The following ADGRB3 variants were observed in gnomAD, a reference collection of about 807,000 sequenced individuals.
The protein encoded by ADGRB3 is adhesion G protein-coupled receptor B3.
A neutral mutation model predicts 193.4 loss-of-function variants in ADGRB3; 37 were observed. The observed-to-expected ratio is 0.19, with a 90% CI of 0.15 to 0.25. The LOEUF is 0.25. Among genes scored for constraint, ADGRB3 ranks in the 10% least tolerant of loss-of-function variants. ADGRB3 has a pLI of 1.00. For synonymous variants in ADGRB3, 690 were observed against 644.2 expected (o/e 1.07, Z -1.08); for missense variants, 1,637 against 1,852.9 (o/e 0.88, Z 2.14).
At chr6:69,156,116 TA>T (rs1215700339) in intron 17 of ADGRB3, among the ~76,000 whole-genome samples, 17 of 152,350 alleles carry the variant, frequency 1.1e-4, no homozygotes, top group African/African-American at 4.1e-4. Flanking sequence ...AATTGTCTTT[TA>T]CATAAATGAG....
chr6:69,232,488 G>A, intron 17 of ADGRB3: 3 of 1,534,482 alleles, frequency 2.0e-6, no homozygotes, highest in South Asian at 1.2e-5. Context: ...ACTTTGGGGT[G>A]GGGTTATTCC....
At chr6:68,651,370 T>C (rs1690515122) in intron 3 of ADGRB3, among the ~76,000 whole-genome samples, 1 of 152,222 alleles carries the variant, frequency 6.6e-6, no homozygotes, top group South Asian at 2.1e-4. Flanking sequence ...TAGCTTGTAG[T>C]ATATTAAAAA....
chr6:69,161,342 A>C (rs1390490320), intron 17 of ADGRB3, among the ~76,000 whole-genome samples: 1 of 152,114 alleles, frequency 6.6e-6, no homozygotes, highest in Non-Finnish European at 1.5e-5. Context: ...GATGAATAAC[A>C]CTAGATGAGA....
At chr6:68,942,582 T>C (rs1265585558) in intron 5 of ADGRB3, among the ~76,000 whole-genome samples, 1 of 152,136 alleles carries the variant, frequency 6.6e-6, no homozygotes, top group African/African-American at 2.4e-5. Flanking sequence ...GAGTGGTGAT[T>C]TGACCATGCA....
At chr6:68,677,908 A>G (rs1257591555) in intron 3 of ADGRB3, among the ~76,000 whole-genome samples, 1 of 152,196 alleles carries the variant, frequency 6.6e-6, no homozygotes, top group Non-Finnish European at 1.5e-5. Context: ...TGGGTGCTAC[A>G]TGAAAAAGAC....
chr6:69,317,650 C>T (rs1768347054), intron 20 of ADGRB3, among the ~76,000 whole-genome samples: 2 of 151,404 alleles, frequency 1.3e-5, no homozygotes, highest in African/African-American at 4.8e-5. Flanking sequence ...CCCTGCCCTG[C>T]CACCCTATAA....
intron 17 of ADGRB3, among the ~76,000 whole-genome samples, chr6:69,191,468 CAAG>C (rs1016182840): frequency 6.6e-6 from 1 of 151,934 alleles, no homozygotes; most frequent in African/African-American, 2.4e-5. Context: ...ATAGTGAAGT[CAAG>C]AAGTGATTCA....
At chr6:68,752,584 G>A (rs1036805578) in intron 3 of ADGRB3, among the ~76,000 whole-genome samples, 1 of 152,074 alleles carries the variant, frequency 6.6e-6, no homozygotes, top group Admixed American at 6.5e-5. Context: ...GTTGTGGTAG[G>A]ATATTCTTGA....
rs918134599 is a variant in ADGRB3, at chr6:69,388,094, C to T, written c.4381-609C>T. ...AAGTTTAAAAAAGTATTTAGATAAACAGTTAAATTTTATCTCATAATTATT... is the reference window on the plus strand; with the variant it reads ...AAGTTTAAAAAAGTATTTAGATAAATAGTTAAATTTTATCTCATAATTATT... On this transcript the variant is annotated intron_variant, in intron 31 of 31. Coordinates refer to ENST00000370598, the MANE Select transcript of ADGRB3 (RefSeq NM_001704.3). Among the ~76,000 whole-genome samples, 138 of 123,350 alleles carry T rather than the reference C, an allele frequency of 1.1e-3. 8 individuals carry two copies. 80.9% of individuals were successfully genotyped at this position (123,350 alleles called of 152,430 possible).
chr6:68,687,212 A>G (rs1340605732), intron 3 of ADGRB3, among the ~76,000 whole-genome samples: 10 of 152,066 alleles, frequency 6.6e-5, no homozygotes, highest in Non-Finnish European at 1.5e-4. Context: ...GGTTTGATTC[A>G]GAGAAAAAGA....
chr6:69,005,274 G>C (rs1363891921), intron 11 of ADGRB3, among the ~76,000 whole-genome samples: 1 of 151,210 alleles, frequency 6.6e-6, no homozygotes, highest in African/African-American at 2.4e-5. Flanking sequence ...TTTCCACTTA[G>C]CTTCATCCCA....
At chr6:69,281,994 T>C (rs1039245369) in intron 20 of ADGRB3, among the ~76,000 whole-genome samples, 4 of 152,058 alleles carry the variant, frequency 2.6e-5, no homozygotes, top group Non-Finnish European at 5.9e-5. Context: ...CTCAAGGTAA[T>C]TGACTACCTT....
chr6:68,642,577 A>G (rs570530295), intron 3 of ADGRB3, among the ~76,000 whole-genome samples: 2 of 152,158 alleles, frequency 1.3e-5, no homozygotes, highest in Non-Finnish European at 2.9e-5. Context: ...CTAATGCTTC[A>G]TTAAAGTATT....
chr6:68,850,133 T>G (rs897761794), intron 3 of ADGRB3, among the ~76,000 whole-genome samples: 4 of 151,114 alleles, frequency 2.6e-5, no homozygotes, highest in Non-Finnish European at 5.9e-5. Context: ...GGTCCCATAG[T>G]TTTTTTATTA....
intron 3 of ADGRB3, among the ~76,000 whole-genome samples, chr6:68,761,193 A>G (rs190043444): frequency 2.0e-5 from 3 of 152,222 alleles, no homozygotes; most frequent in Admixed American, 6.5e-5. Flanking sequence ...TAAGGCAGGA[A>G]CTCCCCACCT....
chr6:69,071,221 T>G (rs553360926), intron 16 of ADGRB3, among the ~76,000 whole-genome samples: 2 of 152,316 alleles, frequency 1.3e-5, no homozygotes, highest in African/African-American at 4.8e-5. Flanking sequence ...ATAACATAGT[T>G]GAGTATTTCC....
At chr6:68,839,648 T>G (rs1002719693) in intron 3 of ADGRB3, among the ~76,000 whole-genome samples, 1 of 152,168 alleles carries the variant, frequency 6.6e-6, no homozygotes, top group Non-Finnish European at 1.5e-5. Context: ...TGGAGAAAGA[T>G]AGCCAAACAA....
intron 10 of ADGRB3, among the ~76,000 whole-genome samples, chr6:68,990,418 C>CA (rs1410993122): frequency 3.3e-5 from 5 of 152,034 alleles, no homozygotes; most frequent in Non-Finnish European, 7.4e-5. Flanking sequence ...ACCTACAATG[C>CA]CAGGAAGGAT....
chr6:69,044,007 T>C (rs1771163293), intron 13 of ADGRB3, among the ~76,000 whole-genome samples: 1 of 151,942 alleles, frequency 6.6e-6, no homozygotes, highest in Non-Finnish European at 1.5e-5. Flanking sequence ...CGCCAGTGCA[T>C]TCCAGCCTGG....
Sources: gnomAD v4.1 joint callset for allele counts (sites outside exome capture counted in the v4.1 genomes callset) on GRCh38, gnomAD v4.1.1 for gene constraint, MANE v1.5 for transcripts, NCBI Gene and HGNC (gene_info 2026-07-23, HGNC 2026-07-21) for gene names.